XDH: variants seen among roughly 807,000 people sequenced by gnomAD.
XDH encodes xanthine dehydrogenase/oxidase.
A neutral mutation model predicts 156.1 loss-of-function variants in XDH; 138 were observed. The observed-to-expected ratio is 0.88, with a 90% confidence interval of 0.77 to 1.02. The LOEUF (loss-of-function observed/expected upper bound fraction) is 1.02. Ranked by LOEUF, XDH falls within the 50% of genes least tolerant of loss-of-function variation. The pLI, the probability that XDH is intolerant of heterozygous loss-of-function variation, is 0.00. For synonymous variants in XDH, 669 were observed against 625.7 expected (o/e 1.07, Z -1.03); for missense variants, 1,849 against 1,684.9 (o/e 1.10, Z -1.71).
intron 24 of XDH, among the ~76,000 whole-genome samples, chr2:31,359,452 T>C (rs1293316737): frequency 6.6e-6 from 1 of 151,900 alleles, no homozygotes; most frequent in Non-Finnish European, 1.5e-5. Flanking sequence ...GCGCCAGTGA[T>C]GCAGTAACAG....
chr2:31,414,543 G>A, intron 1 of XDH, 82 bp downstream of exon 1: 4 of 1,577,342 alleles, frequency 2.5e-6, no homozygotes, highest in East Asian at 2.2e-5. Flanking sequence ...GAAAGACAGA[G>A]AACAAGATAT....
intron 2 of XDH, among the ~76,000 whole-genome samples, chr2:31,405,029 G>C (rs1252591609): frequency 6.6e-6 from 1 of 152,214 alleles, no homozygotes; most frequent in East Asian, 1.9e-4. Flanking sequence ...GCCCCCTGGA[G>C]AGTTGCCAGT....
chr2:31,372,423 G>A (rs199710889), intron 16 of XDH, 26 bp from the exon 17 acceptor site: 1 of 1,613,610 alleles, frequency 6.2e-7, no homozygotes, highest in African/African-American at 1.3e-5. Context: ...CATCAATCAG[G>A]GTGAGCTGCC....
intron 5 of XDH, 147 bp downstream of exon 5, chr2:31,398,426 A>G (rs962205051): frequency 2.7e-5 from 39 of 1,453,604 alleles, no homozygotes; most frequent in Non-Finnish European, 3.7e-5. Flanking sequence ...TTGGCTTTCT[A>G]GCAGATCTTA....
intron 6 of XDH, among the ~76,000 whole-genome samples, chr2:31,394,839 T>C (rs1453974060): frequency 6.6e-6 from 1 of 152,174 alleles, no homozygotes; most frequent in Non-Finnish European, 1.5e-5. Context: ...CCACCGAAGG[T>C]AGTCTTCAAT....
Position 31,335,440 on chromosome 2 carries a change from T to C in XDH, c.*518A>G, listed in dbSNP as rs1042039. ...TTTATTCTTTCCAATGATTCAAAGA[T>C]GGTTAGAGGATTTAACCTTACCCCA... On this transcript the variant is annotated 3_prime_UTR_variant, in exon 36 of 36. Transcript: ENST00000379416. 72,659 of 171,280 alleles carry C rather than the reference T, an allele frequency of 0.42. 17,404 individuals are homozygous for C. The highest frequency in any genetic ancestry group is 0.6 in the East Asian group (3,923 of 6,524). 10.6% of individuals were successfully genotyped at this position (171,280 alleles called of 1,614,324 possible).
chr2:31,411,681 C>T (rs898193412), intron 1 of XDH, among the ~76,000 whole-genome samples: 31 of 152,204 alleles, frequency 2.0e-4, no homozygotes, highest in Non-Finnish European at 4.4e-4. Context: ...TCCATCCACA[C>T]TAGTTGGACA....
intron 6 of XDH, among the ~76,000 whole-genome samples, chr2:31,393,141 T>G (rs916059483): frequency 6.6e-5 from 10 of 152,208 alleles, no homozygotes; most frequent in Non-Finnish European, 1.2e-4. Context: ...AAATGTCAAT[T>G]ATATCCAATT....
chr2:31,413,529 C>A (rs1470820648), intron 1 of XDH, among the ~76,000 whole-genome samples: 1 of 152,180 alleles, frequency 6.6e-6, no homozygotes, highest in Admixed American at 6.5e-5. Context: ...CATGAAATTT[C>A]TTTTACAGTC....
intron 24 of XDH, among the ~76,000 whole-genome samples, chr2:31,350,531 A>T (rs1396135746): frequency 1.3e-5 from 2 of 151,408 alleles, no homozygotes; most frequent in African/African-American, 4.9e-5. Flanking sequence ...CACGCACCAC[A>T]CGCCCAGCTA....
rs1558678570 is a variant in XDH, at chr2:31,348,306, TC to T, written c.3108del (p.Thr1037LeufsTer19). Reference protein sequence around the residue: ...TDGSVLLTHGGTEMGQGLHTK... With the variant: ...TDGSVLLTHGXTEMGQGLHTK... ...GTATGAAGGCCTTGGCCCATCTCAG[TC>T]CCCCCGTGGGTCAGCAGCACAGAGC... On this transcript the variant is annotated frameshift_variant, in exon 28 of 36. Coordinates refer to ENST00000379416, the MANE Select transcript of XDH (RefSeq NM_000379.4). LOFTEE classifies it high-confidence loss of function. 1.7e-5 allele frequency: 27 copies of T among 1,613,908 alleles called. No homozygotes were observed. The highest frequency in any genetic ancestry group is 2.2e-5 in the Non-Finnish European group (26 of 1,179,994).
chr2:31,367,811 T>G lies in XDH; in HGVS notation c.2197+150A>C, dbSNP rs150751400. 3.3e-4 allele frequency: 258 copies of G among 786,298 alleles called. 3 individuals are homozygous for G. In the East Asian group the frequency reaches 6.4e-3, roughly 19 times the overall value. 48.7% of individuals were successfully genotyped at this position (786,298 alleles called of 1,614,324 possible). A position where few individuals can be genotyped will look rare whatever the true frequency, so the allele number is the denominator to read the frequency against. ...ACTGAAGCTCTTTCCCATCCAACTG[T>G]CTCCTATTTTGCTACAAACGTAAGA... On this transcript the variant is annotated intron_variant, in intron 20 of 35. Coordinates refer to ENST00000379416, the MANE Select transcript of XDH (RefSeq NM_000379.4).
At chr2:31,367,146 G>A in intron 20 of XDH, 152 bp from the exon 21 acceptor site, 2 of 1,333,532 alleles carry the variant, frequency 1.5e-6, no homozygotes, top group Non-Finnish European at 2.1e-6. Context: ...GGGTGGAAAA[G>A]GATCCCAAAG....
intron 10 of XDH, 48 bp downstream of exon 10, chr2:31,383,707 C>G (rs764762630): frequency 4.4e-6 from 7 of 1,575,048 alleles, no homozygotes; most frequent in South Asian, 1.1e-5. Flanking sequence ...TGTAACCTAT[C>G]CCCAGCCTCA....
At chr2:31,368,248 G>C (rs1285414990) in intron 19 of XDH, among the ~76,000 whole-genome samples, 191 bp from the exon 20 acceptor site, 1 of 152,132 alleles carries the variant, frequency 6.6e-6, no homozygotes, top group African/African-American at 2.4e-5. Context: ...CATTTCCTCA[G>C]CTGTAGGTGG....
chr2:31,368,629 A>C lies in XDH; in HGVS notation c.2012T>G (p.Val671Gly), dbSNP rs778513691. ...TGTGTGTTCCGGGGTGTCAGCAACC[A>C]CAGCACCAATGATATGCCCAACACA... Reference protein sequence around the residue: ...VTCVGHIIGAVVADTPEHTQR... With the variant: ...VTCVGHIIGAGVADTPEHTQR... The change falls in exon 19 of 36, where the codon GTG becomes GGG. Residue 671 changes from valine to glycine, a missense_variant. By Grantham distance (109) the Val-to-Gly change is moderately radical (BLOSUM62 -3). Coordinates refer to ENST00000379416, the MANE Select transcript of XDH (RefSeq NM_000379.4). 6.2e-7 allele frequency: 1 copy of C among 1,614,208 alleles called. No individual in the cohort carries two copies. The highest frequency in any genetic ancestry group is 8.5e-7 in the Non-Finnish European group (1 of 1,180,040).
Position 31,366,121 on chromosome 2 carries a change from A to C in XDH, c.2323-12T>G. The C allele has an allele frequency of 6.2e-7, 1 of 1,614,232 alleles. No homozygotes were observed. Among genetic ancestry groups the C allele is most frequent in the Non-Finnish European group, 8.5e-7 (1 of 1,180,050 alleles). Reference sequence around the variant, plus strand: ...TTTGCAACAAAGCTCTGTGAGTGAAAGACAGAACATTCGCACTGAATGCAT... The same window carrying C: ...TTTGCAACAAAGCTCTGTGAGTGAACGACAGAACATTCGCACTGAATGCAT... On this transcript the variant is annotated splice_polypyrimidine_tract_variant and intron_variant, in intron 21 of 35. Transcript: ENST00000379416.
At position 31,387,889 on chromosome 2, in the gene XDH, G is replaced by A. The variant is rs776995332; in HGVS notation, c.573C>T (p.Leu191=). The change falls in exon 8 of 36, where the codon CTC becomes CTT. Residue 191 remains leucine, a synonymous_variant. Transcript: ENST00000379416. ...CCTCTGGTTTGAATAAAGATGGCGA[G>A]AGGCTGACCTATGGGGAAAGAGAAC... ...MNQKKDHSVS[L]SPSLFKPEEF... 6 of 1,581,360 alleles carry A rather than the reference G, an allele frequency of 3.8e-6. No individual in the cohort carries two copies. The highest frequency in any genetic ancestry group is 5.2e-6 in the Non-Finnish European group (6 of 1,163,900).
chr2:31,345,727 G>A (rs575038797), intron 30 of XDH, among the ~76,000 whole-genome samples: 1 of 152,192 alleles, frequency 6.6e-6, no homozygotes, highest in East Asian at 1.9e-4. Context: ...GTGTGTGCGT[G>A]CACATGCGCA....
Sources: gnomAD v4.1 joint callset for allele counts (sites outside exome capture counted in the v4.1 genomes callset) on GRCh38, gnomAD v4.1.1 for gene constraint, MANE v1.5 for transcripts, NCBI Gene and HGNC (gene_info 2026-07-23, HGNC 2026-07-21) for gene names.